SLA: variants seen among roughly 807,000 people sequenced by gnomAD.
The protein encoded by SLA is src-like-adapter.
In SLA, 16 loss-of-function variants were observed where a neutral mutation model predicts 30.3. The observed-to-expected ratio is 0.53, with a 90% CI of 0.36 to 0.80. The LOEUF is 0.80. Among genes scored for constraint, SLA ranks in the 30% least tolerant of loss-of-function variants. SLA has a pLI of 0.01. For synonymous variants in SLA, 143 were observed against 137.8 expected, an observed-to-expected ratio of 1.04 and a Z score of -0.26; for missense variants, 310 against 345.2, an observed-to-expected ratio of 0.90 and a Z score of 0.81.
At chr8:133,040,253 A>T (rs1209631030) in intron 7 of SLA, 123 bp from the exon 8 acceptor site, 31 of 1,067,894 alleles carry the variant, frequency 2.9e-5, no homozygotes, top group Non-Finnish European at 3.9e-5. Flanking sequence ...TGGGCCTGAG[A>T]TTTCAAAGGG....
intron 2 of SLA, among the ~76,000 whole-genome samples, chr8:133,068,141 G>A (rs1444528313): frequency 2.0e-5 from 3 of 152,178 alleles, no homozygotes. Context: ...ACAGGACAAG[G>A]GAAAGGCTCA....
At chr8:133,080,307 C>T (rs1188500498) in intron 1 of SLA, among the ~76,000 whole-genome samples, 1 of 152,162 alleles carries the variant, frequency 6.6e-6, no homozygotes, top group Non-Finnish European at 1.5e-5. Context: ...TCTTTCCACT[C>T]ACTCTATGTA....
intron 1 of SLA, among the ~76,000 whole-genome samples, chr8:133,089,460 C>T (rs1335985648): frequency 6.6e-6 from 1 of 152,110 alleles, no homozygotes; most frequent in African/African-American, 2.4e-5. Context: ...TCTGTAATAC[C>T]CCATTTAAAA....
At chr8:133,074,488 A>C (rs952988606) in intron 2 of SLA, among the ~76,000 whole-genome samples, 1 of 152,186 alleles carries the variant, frequency 6.6e-6, no homozygotes, top group Admixed American at 6.5e-5. Flanking sequence ...TGAGAAAATG[A>C]AGGTCTGGAG....
intron 3 of SLA, among the ~76,000 whole-genome samples, chr8:133,055,113 T>C (rs924702792): frequency 2.6e-5 from 4 of 152,136 alleles, no homozygotes; most frequent in African/African-American, 7.2e-5. Flanking sequence ...CGGCTCTCCT[T>C]GGCACTTAAT....
chr8:133,045,211 C>A lies in SLA; in HGVS notation c.353-96G>T. 3.7e-6 allele frequency: 5 copies of A among 1,338,184 alleles called. No homozygotes were observed. In the South Asian group the frequency reaches 6.4e-5, roughly 17 times the overall value. 82.9% of individuals were successfully genotyped at this position (1,338,184 alleles called of 1,614,324 possible). ...ACCACCACTGAGGCAGGGAGACCTG[C>A]CCACCCTTGGGATACAACAGTGATG... On this transcript the variant is annotated intron_variant, in intron 6 of 8. Transcript: ENST00000338087.
chr8:133,040,104 G>A lies in SLA; in HGVS notation c.511C>T (p.Leu171Phe). 1 of 1,573,506 alleles carries A rather than the reference G, an allele frequency of 6.4e-7. No homozygotes were observed. Among genetic ancestry groups the A allele is most frequent in the Non-Finnish European group, 8.6e-7 (1 of 1,159,556 alleles). The change falls in exon 8 of 9, where the codon CTC (leucine) becomes TTC (phenylalanine). Residue 171 changes from leucine to phenylalanine, a missense_variant. Coordinates refer to ENST00000338087, the MANE Select transcript of SLA (RefSeq NM_001045556.3). ...SEVADGLCCV[L>F]TTPCLTQSTA... ...CTTTGTGTCAGGCAGGGCGTGGTGAGCACACAGCACAGGCCATCAGCCACC... is the reference window on the plus strand; with the variant it reads ...CTTTGTGTCAGGCAGGGCGTGGTGAACACACAGCACAGGCCATCAGCCACC...
chr8:133,053,080 T>C (rs1244729397), intron 3 of SLA, among the ~76,000 whole-genome samples: 2 of 152,190 alleles, frequency 1.3e-5, no homozygotes, highest in Admixed American at 1.3e-4. Context: ...AGCCTCCGGA[T>C]AGGCTGTTCC....
At chr8:133,084,150 G>A (rs902896162) in intron 1 of SLA, among the ~76,000 whole-genome samples, 7 of 152,190 alleles carry the variant, frequency 4.6e-5, no homozygotes, top group African/African-American at 1.7e-4. Flanking sequence ...ACTGGAGGAA[G>A]GAGGGAGGAA....
chr8:133,090,774 G>A (rs1847379335), intron 1 of SLA, among the ~76,000 whole-genome samples: 1 of 152,172 alleles, frequency 6.6e-6, no homozygotes, highest in South Asian at 2.1e-4. Context: ...GAAAGACAAA[G>A]GAAATTGGCA....
intron 3 of SLA, among the ~76,000 whole-genome samples, chr8:133,059,893 C>A (rs1445130025): frequency 6.6e-6 from 1 of 152,200 alleles, no homozygotes; most frequent in East Asian, 1.9e-4. Context: ...AGATTTGACA[C>A]CCTTCAGGTG....
intron 1 of SLA, among the ~76,000 whole-genome samples, chr8:133,092,699 T>C (rs1050814862): frequency 7.2e-5 from 11 of 152,164 alleles, no homozygotes; most frequent in Non-Finnish European, 1.6e-4. Flanking sequence ...ACCGAGCCCT[T>C]CTGCCCCAAT....
At chr8:133,075,362 T>G (rs1487783106) in intron 1 of SLA, among the ~76,000 whole-genome samples, 1 of 152,150 alleles carries the variant, frequency 6.6e-6, no homozygotes, top group Non-Finnish European at 1.5e-5. Context: ...GCAGCTTCCT[T>G]CTGTTACTGC....
chr8:133,070,229 G>A (rs1018285108), intron 2 of SLA, among the ~76,000 whole-genome samples: 1 of 152,038 alleles, frequency 6.6e-6, no homozygotes. Flanking sequence ...ACATCTCTGA[G>A]GACGGAGTAG....
intron 2 of SLA, among the ~76,000 whole-genome samples, chr8:133,069,125 A>AGAAGGT (rs1366002578): frequency 6.6e-6 from 1 of 152,274 alleles, no homozygotes; most frequent in Non-Finnish European, 1.5e-5. Flanking sequence ...GTTTCATCAC[A>AGAAGGT]GAAGGTGGAG....
At chr8:133,048,176 C>T (rs1232686178) in intron 5 of SLA, among the ~76,000 whole-genome samples, 1 of 152,140 alleles carries the variant, frequency 6.6e-6, no homozygotes, top group Non-Finnish European at 1.5e-5. Context: ...TCTGGGACAT[C>T]CAATTCCATA....
chr8:133,081,578 G>A (rs1845748932), intron 1 of SLA, among the ~76,000 whole-genome samples: 1 of 143,296 alleles, frequency 7.0e-6, no homozygotes, highest in Non-Finnish European at 1.5e-5. Flanking sequence ...ATTATTCTCA[G>A]GAAGAAGAAG....
At chr8:133,048,054 A>G in intron 5 of SLA, 121 bp from the exon 6 acceptor site, 1 of 610,388 alleles carries the variant, frequency 1.6e-6, no homozygotes, top group Non-Finnish European at 2.9e-6. Context: ...CCACTGAGAC[A>G]GGAAGCATCA....
Position 133,037,396 on chromosome 8 carries a change from G to T in SLA, c.*1128C>A, listed in dbSNP as rs910948266. On this transcript the variant is annotated 3_prime_UTR_variant, in exon 9 of 9. Coordinates refer to ENST00000338087, the MANE Select transcript of SLA (RefSeq NM_001045556.3). ...AGACCCTTCTTAGAATAAAGTACCGGGTGAGTTAATTCTTTAGACTGTATC... is the reference window on the plus strand; with the variant it reads ...AGACCCTTCTTAGAATAAAGTACCGTGTGAGTTAATTCTTTAGACTGTATC... 6.6e-6 allele frequency: 1 copy of T among 152,148 alleles called. No individual in the cohort carries two copies. Among genetic ancestry groups the T allele is most frequent in the Admixed American group, 6.5e-5 (1 of 15,290 alleles). 9.4% of individuals were successfully genotyped at this position (152,148 alleles called of 1,614,324 possible). A position where few individuals can be genotyped will look rare whatever the true frequency, so the allele number is the denominator to read the frequency against.
Sources: allele counts gnomAD v4.1 joint callset (sites outside exome capture counted in the v4.1 genomes callset), GRCh38; gene constraint gnomAD v4.1.1; transcripts MANE v1.5; gene names NCBI Gene and HGNC (gene_info 2026-07-23, HGNC 2026-07-21).